ATP6V0A2: variants seen among roughly 807,000 people sequenced by gnomAD.
The protein encoded by ATP6V0A2 is ATPase H+ transporting V0 subunit a2.
ATP6V0A2 carries 58 observed loss-of-function variants against 104.4 expected under a neutral mutation model. That is an observed-to-expected ratio of 0.56 (90% CI 0.45 to 0.69). The LOEUF is 0.69. Ranked by LOEUF, ATP6V0A2 falls within the 30% of genes least tolerant of loss-of-function variation. The pLI, the probability that ATP6V0A2 is intolerant of heterozygous loss-of-function variation, is 0.00. For synonymous variants in ATP6V0A2, 376 were observed against 397.9 expected (o/e 0.95, Z 0.65); for missense variants, 938 against 1,062.9 (o/e 0.88, Z 1.63).
At chr12:123,712,741 G>C (rs1430372362) in intron 1 of ATP6V0A2, 59 bp downstream of exon 1, 20 of 1,406,806 alleles carry the variant, frequency 1.4e-5, no homozygotes, top group Non-Finnish European at 2.0e-5. Flanking sequence ...CCAATCCCGC[G>C]CATCGCTGGG....
At chr12:123,728,863 TG>T (rs1956472934) in intron 6 of ATP6V0A2, among the ~76,000 whole-genome samples, 1 of 151,920 alleles carries the variant, frequency 6.6e-6, no homozygotes, top group African/African-American at 2.4e-5. Context: ...TTACTGGTCA[TG>T]GTCACTCTGA....
At chr12:123,747,079 G>A (rs1028601087) in intron 13 of ATP6V0A2, among the ~76,000 whole-genome samples, 1 of 152,240 alleles carries the variant, frequency 6.6e-6, no homozygotes, top group Non-Finnish European at 1.5e-5. Flanking sequence ...GCACCGTGGG[G>A]AGGTCAGCCA....
At chr12:123,752,202 AAC>A in intron 16 of ATP6V0A2, 79 bp from the exon 17 acceptor site, 1 of 1,578,570 alleles carries the variant, frequency 6.3e-7, no homozygotes, top group Non-Finnish European at 8.7e-7. Context: ...CATTAAGAGA[AAC>A]AAAGAAACTA....
chr12:123,736,470 G>A (rs111338168), intron 8 of ATP6V0A2, among the ~76,000 whole-genome samples: 1,530 of 152,262 alleles, frequency 0.01, 18 homozygotes, highest in African/African-American at 0.034. Context: ...GGGATTACAG[G>A]TGTGAGCTAC....
intron 6 of ATP6V0A2, chr12:123,732,057 T>C (rs920665554): frequency 3.9e-5 from 6 of 152,074 alleles, no homozygotes; most frequent in African/African-American, 1.5e-4. Flanking sequence ...TATCTCCTTT[T>C]AAGTATCTGG....
At chr12:123,717,314 CAAAAAA>C (rs538974425) in intron 1 of ATP6V0A2, among the ~76,000 whole-genome samples, 6 of 106,858 alleles carry the variant, frequency 5.6e-5, no homozygotes, top group African/African-American at 1.1e-4. Flanking sequence ...AACTCTGTCT[CAAAAAA>C]AAAAAAAAAA....
intron 13 of ATP6V0A2, among the ~76,000 whole-genome samples, chr12:123,747,405 G>A (rs746677588): frequency 6.6e-6 from 1 of 152,138 alleles, no homozygotes; most frequent in African/African-American, 2.4e-5. Context: ...CGTTAACACC[G>A]ATAAAATTGT....
At chr12:123,731,321 CT>C (rs1956499639) in intron 6 of ATP6V0A2, 1 of 152,266 alleles carries the variant, frequency 6.6e-6, no homozygotes, top group Admixed American at 6.5e-5. Flanking sequence ...GGTTTACTGT[CT>C]TTTGGGTTCA....
Position 123,744,107 on chromosome 12 carries a change from G to A in ATP6V0A2, c.1190-94G>A. The A allele has an allele frequency of 6.4e-7, 1 of 1,569,126 alleles. No homozygotes were observed. The highest frequency in any genetic ancestry group is 8.8e-7 in the Non-Finnish European group (1 of 1,140,836). ...ACAATCCTATCTTGTGAATTCTGGA[G>A]AAAGTCAAGATTGTTATGTATCATT... is the stretch of plus-strand genomic sequence containing the variant. On this transcript the variant is annotated intron_variant, in intron 10 of 19. Coordinates refer to ENST00000330342, the MANE Select transcript of ATP6V0A2 (RefSeq NM_012463.4). The surrounding 1 kb of genome is among the most constrained non-coding windows in gnomAD (Gnocchi z 5.4).
rs747871038 is a variant in ATP6V0A2, at chr12:123,754,291, C to T, written c.2176-129C>T. 1.3e-5 allele frequency: 10 copies of T among 756,676 alleles called. No homozygotes were observed. In the South Asian group the frequency reaches 1.5e-4, roughly 11 times the overall value. The allele number at this position is 756,676 out of a possible 1,614,324, so 46.9% of individuals were successfully genotyped here. On this transcript the variant is annotated intron_variant, in intron 17 of 19. Transcript: ENST00000330342. ...GTCTGGGGTTTCTGTTCCTCACACT[C>T]TAGCGTGTTCTTACCAGCATCCAGC...
intron 15 of ATP6V0A2, among the ~76,000 whole-genome samples, chr12:123,749,582 G>A (rs112885088): frequency 6.6e-6 from 1 of 152,314 alleles, no homozygotes; most frequent in Middle Eastern, 3.4e-3. Context: ...AACAGGAGCT[G>A]GTTCATAGTA....
rs765084219 is a variant in ATP6V0A2, at chr12:123,712,580, C to A, written c.15C>A (p.Phe5Leu). MGSL[F>L]RSETMCLAQL... ...GTCGGCCCGCCATGGGGTCCCTGTT[C>A]CGGAGCGAGACCATGTGCCTGGCGC... is the stretch of plus-strand genomic sequence containing the variant. Residue 5 changes from phenylalanine to leucine, a missense_variant, in exon 1 of 20, where the codon TTC becomes TTA. Phe to Leu is a conservative substitution (Grantham distance 22). Coordinates refer to ENST00000330342, the MANE Select transcript of ATP6V0A2 (RefSeq NM_012463.4). 4 of 1,596,050 alleles carry A rather than the reference C, an allele frequency of 2.5e-6. No individual in the cohort carries two copies. The highest frequency in any genetic ancestry group is 1.1e-5 in the South Asian group (1 of 88,838).
At chr12:123,730,048 T>TC (rs1470500481) in intron 6 of ATP6V0A2, among the ~76,000 whole-genome samples, 3 of 49,230 alleles carry the variant, frequency 6.1e-5, no homozygotes, top group African/African-American at 2.4e-4. Context: ...TTAGGTCTTT[T>TC]TTTTTTTTTT....
At chr12:123,748,817 C>CTATTG in intron 15 of ATP6V0A2, 32 bp downstream of exon 15, 2 of 1,567,966 alleles carry the variant, frequency 1.3e-6, no homozygotes, top group Non-Finnish European at 1.8e-6. Context: ...ATGAACTTAA[C>CTATTG]GGAAGTATTC....
chr12:123,748,576 C>A lies in ATP6V0A2; in HGVS notation c.1726C>A (p.His576Asn), dbSNP rs752876687. 3.1e-6 allele frequency: 5 copies of A among 1,610,156 alleles called. No homozygotes were observed. In the South Asian group the frequency reaches 5.5e-5, roughly 18 times the overall value. Residue 576 changes from histidine to asparagine, a missense_variant and splice_region_variant, in exon 15 of 20, where the codon CAC (histidine) becomes AAC (asparagine). Coordinates refer to ENST00000330342, the MANE Select transcript of ATP6V0A2 (RefSeq NM_012463.4). The stretch of plus-strand genomic sequence containing the variant: ...TGATTGATTCCTTTTCTTTCCTAGG[C>A]ACTTCAGGAAGAAGTTCAACATTTA... ...GVILGIFNHL[H>N]FRKKFNIYLV...
intron 4 of ATP6V0A2, among the ~76,000 whole-genome samples, chr12:123,725,218 G>T (rs1389314181): frequency 1.3e-5 from 2 of 152,180 alleles, no homozygotes; most frequent in African/African-American, 2.4e-5. Flanking sequence ...ACAGGAGTGA[G>T]CTACCGCGCC....
intron 13 of ATP6V0A2, among the ~76,000 whole-genome samples, chr12:123,746,603 A>G (rs1244075813): frequency 2.2e-5 from 3 of 137,644 alleles, no homozygotes; most frequent in Non-Finnish European, 4.6e-5. Context: ...GCTCCACTGT[A>G]CTCTAGCCCC....
chr12:123,729,322 G>GTTTT (rs71308012), intron 6 of ATP6V0A2, among the ~76,000 whole-genome samples: 3,067 of 113,926 alleles, frequency 0.027, 186 homozygotes, highest in Admixed American at 0.073. Context: ...CAAGGAGGCT[G>GTTTT]TTTTTTTTTT....
Position 123,758,425 on chromosome 12 carries a change from A to G in ATP6V0A2, c.*393A>G, listed in dbSNP as rs533481774. On this transcript the variant is annotated 3_prime_UTR_variant, in exon 20 of 20. Transcript: ENST00000330342. ...ATCTGTCACCTGAAGTTGCCAGATA[A>G]TATTTTCCAACAGCTGAAGTAGGGA... 4 of 155,670 alleles carry G rather than the reference A, an allele frequency of 2.6e-5. No homozygotes were observed. Among genetic ancestry groups the G allele is most frequent in the African/African-American group, 9.6e-5 (4 of 41,672 alleles). 9.6% of individuals were successfully genotyped at this position (155,670 alleles called of 1,614,324 possible). A position where few individuals can be genotyped will look rare whatever the true frequency, so the allele number is the denominator to read the frequency against.
Sources: gnomAD v4.1 joint callset for allele counts (sites outside exome capture counted in the v4.1 genomes callset) on GRCh38, gnomAD v4.1.1 for gene constraint, Gnocchi (gnomAD v3.1) non-coding constraint, MANE v1.5 for transcripts, NCBI Gene and HGNC (gene_info 2026-07-23, HGNC 2026-07-21) for gene names.